MEF2C: variants seen among roughly 807,000 people sequenced by gnomAD.
The protein encoded by MEF2C is myocyte-specific enhancer factor 2C.
A neutral mutation model predicts 50.5 loss-of-function variants in MEF2C; 6 were observed. That is an observed-to-expected ratio of 0.12 (90% CI 0.07 to 0.23). MEF2C has a LOEUF of 0.23. MEF2C is among the 10% of genes least tolerant of loss of function. MEF2C has a pLI of 1.00. For synonymous variants in MEF2C, 183 were observed against 228.0 expected (o/e 0.80, Z 1.78); for missense variants, 276 against 605.0 (o/e 0.46, Z 5.70).
chr5:88,877,742 G>A lies in MEF2C; in HGVS notation c.-143+5213C>T, dbSNP rs529579921. On this transcript the variant is annotated intron_variant, in intron 1 of 10. Transcript: ENST00000504921. ...TGAGCAAGACCAAAATTATTACAGT[G>A]TACTTTACAGTTATTTCACGCATGA... Among the ~76,000 whole-genome samples the A allele has an allele frequency of 3.3e-5, 5 of 151,970 alleles. No homozygotes were observed. The East Asian group carries it at 9.6e-4, about 29-fold the overall frequency.
At chr5:88,762,202 T>C (rs1467746626) in intron 3 of MEF2C, among the ~76,000 whole-genome samples, 1 of 152,202 alleles carries the variant, frequency 6.6e-6, no homozygotes, top group Non-Finnish European at 1.5e-5. Flanking sequence ...TCTGGTCTAG[T>C]CTCAGCTGTC....
intron 1 of MEF2C, among the ~76,000 whole-genome samples, chr5:88,852,506 A>T (rs1821746654): frequency 6.6e-6 from 1 of 152,216 alleles, no homozygotes; most frequent in Admixed American, 6.5e-5. Context: ...AACTTTCCTT[A>T]ACAAAGATTT....
intron 1 of MEF2C, among the ~76,000 whole-genome samples, chr5:88,897,544 A>C (rs534786812): frequency 6.6e-6 from 1 of 152,342 alleles, no homozygotes; most frequent in South Asian, 2.1e-4. Context: ...GAGTTCGCTC[A>C]AGCCGTTTTA....
chr5:88,833,199 ATT>A (rs1490074154), intron 1 of MEF2C, among the ~76,000 whole-genome samples: 1 of 152,140 alleles, frequency 6.6e-6, no homozygotes, highest in African/African-American at 2.4e-5. Flanking sequence ...AATTCAAAAT[ATT>A]TGTTACAAAA....
intron 6 of MEF2C, chr5:88,743,665 C>T (rs989453475): frequency 6.1e-6 from 6 of 985,270 alleles, no homozygotes; most frequent in Non-Finnish European, 7.2e-6. Context: ...GACCTAAGGT[C>T]TTGCTAGATG....
intron 2 of MEF2C, among the ~76,000 whole-genome samples, chr5:88,807,084 C>T (rs1800785291): frequency 6.6e-6 from 1 of 152,166 alleles, no homozygotes; most frequent in Non-Finnish European, 1.5e-5. Flanking sequence ...ATATTCCTTA[C>T]TTAATAATAA....
chr5:88,834,814 T>C (rs1278970440), intron 1 of MEF2C, among the ~76,000 whole-genome samples: 1 of 152,026 alleles, frequency 6.6e-6, no homozygotes, highest in Non-Finnish European at 1.5e-5. Flanking sequence ...CTCTATAGAG[T>C]GGGAATAGTA....
intron 5 of MEF2C, chr5:88,750,101 T>C (rs1771963413): frequency 2.5e-6 from 2 of 791,894 alleles, no homozygotes; most frequent in South Asian, 5.8e-5. Flanking sequence ...GAGAATATCA[T>C]CTAGATTTTC....
At chr5:88,728,984 C>A (rs1324625222) in intron 9 of MEF2C, among the ~76,000 whole-genome samples, 1 of 152,032 alleles carries the variant, frequency 6.6e-6, no homozygotes, top group Non-Finnish European at 1.5e-5. Context: ...GCTCAATTTT[C>A]TTGAAAGTGT....
intron 3 of MEF2C, chr5:88,780,969 G>A (rs975335633): frequency 7.1e-6 from 7 of 984,202 alleles, no homozygotes; most frequent in Non-Finnish European, 6.0e-6. Flanking sequence ...ATCTACCAGA[G>A]TTCACTAAGA....
chr5:88,761,120 C>T, intron 4 of MEF2C, 65 bp downstream of exon 4: 3 of 1,613,860 alleles, frequency 1.9e-6, no homozygotes, highest in Non-Finnish European at 2.5e-6. Context: ...CTTTCTTGTT[C>T]AATGCCTGCC....
chr5:88,815,589 C>A (rs1056805183), intron 2 of MEF2C, among the ~76,000 whole-genome samples: 4 of 151,986 alleles, frequency 2.6e-5, no homozygotes, highest in Non-Finnish European at 5.9e-5. Context: ...TAATTTTTTT[C>A]CTTAATGATG....
intron 2 of MEF2C, among the ~76,000 whole-genome samples, chr5:88,820,244 T>C (rs1171003658): frequency 6.6e-6 from 1 of 151,966 alleles, no homozygotes; most frequent in Non-Finnish European, 1.5e-5. Flanking sequence ...TTTTGTAAAC[T>C]TGGAAATGCC....
chr5:88,859,745 T>C (rs1410514313), intron 1 of MEF2C, among the ~76,000 whole-genome samples: 2 of 152,224 alleles, frequency 1.3e-5, no homozygotes, highest in Non-Finnish European at 2.9e-5. Context: ...GTAAAGCTAA[T>C]GGCTACAAGT....
intron 3 of MEF2C, among the ~76,000 whole-genome samples, chr5:88,786,555 A>G (rs2152926810): frequency 6.6e-6 from 1 of 152,360 alleles, no homozygotes; most frequent in Admixed American, 6.5e-5. Context: ...AATGAAATTC[A>G]CTGCATTTTT....
At chr5:88,845,931 T>C (rs1561310568) in intron 1 of MEF2C, among the ~76,000 whole-genome samples, 1 of 152,098 alleles carries the variant, frequency 6.6e-6, no homozygotes, top group Non-Finnish European at 1.5e-5. Context: ...AAATACATAA[T>C]AAAAGATTTT....
chr5:88,842,732 T>TA (rs1817833511), intron 1 of MEF2C, among the ~76,000 whole-genome samples: 1 of 152,200 alleles, frequency 6.6e-6, no homozygotes, highest in African/African-American at 2.4e-5. Flanking sequence ...ACCCCTCTTA[T>TA]GTGTAGCTAG....
chr5:88,731,908 A>G lies in MEF2C; in HGVS notation c.638-7T>C. 1.2e-6 allele frequency: 2 copies of G among 1,603,988 alleles called. No homozygotes were observed. The highest frequency in any genetic ancestry group is 1.7e-6 in the Non-Finnish European group (2 of 1,174,134). Reference sequence around the variant, plus strand: ...GGATTGCCATACCCGTTCCCTGTTAACAAAAAACAATAAAGCATTTAGGAA... The same window carrying G: ...GGATTGCCATACCCGTTCCCTGTTAGCAAAAAACAATAAAGCATTTAGGAA... On this transcript the variant is annotated splice_polypyrimidine_tract_variant and splice_region_variant and intron_variant, in intron 6 of 10. Transcript: ENST00000504921.
chr5:88,847,025 C>T (rs921638253), intron 1 of MEF2C, among the ~76,000 whole-genome samples: 9 of 152,120 alleles, frequency 5.9e-5, no homozygotes, highest in African/African-American at 9.7e-5. Flanking sequence ...GCAGGAATGA[C>T]GTCTTTTTAT....
Sources: allele counts gnomAD v4.1 joint callset (sites outside exome capture counted in the v4.1 genomes callset), GRCh38; gene constraint gnomAD v4.1.1; transcripts MANE v1.5; gene names NCBI Gene and HGNC (gene_info 2026-07-23, HGNC 2026-07-21).